LRP1B: variants seen among roughly 807,000 people sequenced by gnomAD.
LRP1B encodes the protein LDL receptor related protein 1B, also known as low-density lipoprotein receptor-related protein 1B.
Under a neutral mutation model 556.6 loss-of-function variants are expected in LRP1B, and 217 were observed. The observed-to-expected ratio is 0.39, with a 90% confidence interval of 0.35 to 0.44. The LOEUF is 0.44. Ranked by LOEUF, LRP1B falls within the 20% of genes least tolerant of loss-of-function variation. The pLI is 1.00. For synonymous variants in LRP1B, 2,047 were observed against 1,865.8 expected (o/e 1.10, Z -2.50); for missense variants, 5,053 against 5,620.8 (o/e 0.90, Z 3.23).
intron 86 of LRP1B, among the ~76,000 whole-genome samples, chr2:140,262,391 T>G (rs1681985640): frequency 1.3e-5 from 2 of 152,194 alleles, no homozygotes; most frequent in African/African-American, 4.8e-5. Context: ...ATGGAAGTTT[T>G]TATATGTACA....
chr2:140,495,231 T>C (rs779681111), intron 56 of LRP1B, among the ~76,000 whole-genome samples: 1 of 152,034 alleles, frequency 6.6e-6, no homozygotes, highest in Non-Finnish European at 1.5e-5. Flanking sequence ...TATAATAATG[T>C]CACAATAGTC....
chr2:140,606,041 C>CAG (rs1252702445), intron 41 of LRP1B, among the ~76,000 whole-genome samples: 1 of 151,168 alleles, frequency 6.6e-6, no homozygotes, highest in African/African-American at 2.4e-5. Flanking sequence ...GAGAGAGAGA[C>CAG]AGAGAGAGAG....
intron 2 of LRP1B, among the ~76,000 whole-genome samples, chr2:141,551,592 T>C (rs774476241): frequency 1.2e-4 from 18 of 152,056 alleles, no homozygotes; most frequent in Non-Finnish European, 2.5e-4. Flanking sequence ...AGAGTCTGTA[T>C]TACCTTCCTT....
chr2:141,027,719 T>G (rs2105408717), intron 11 of LRP1B, among the ~76,000 whole-genome samples: 1 of 152,294 alleles, frequency 6.6e-6, no homozygotes, highest in East Asian at 1.9e-4. Flanking sequence ...GTTTGTGTCC[T>G]CCTAATTCAC....
chr2:141,825,938 G>T (rs564646591), intron 1 of LRP1B, among the ~76,000 whole-genome samples: 1 of 152,116 alleles, frequency 6.6e-6, no homozygotes, highest in South Asian at 2.1e-4. Context: ...CCATAATAAA[G>T]AAATTACTGA....
intron 41 of LRP1B, among the ~76,000 whole-genome samples, chr2:140,696,966 T>C (rs551210369): frequency 7.9e-5 from 12 of 152,324 alleles, no homozygotes; most frequent in South Asian, 6.2e-4. Flanking sequence ...AGATACACTT[T>C]CTCATAAAAT....
chr2:140,699,934 A>G (rs1470563890), intron 41 of LRP1B, among the ~76,000 whole-genome samples: 1 of 150,192 alleles, frequency 6.7e-6, no homozygotes, highest in African/African-American at 2.4e-5. Flanking sequence ...AAAATCAATT[A>G]GAATAGTTTT....
chr2:141,259,593 C>A (rs1201901227), intron 3 of LRP1B, among the ~76,000 whole-genome samples: 1 of 152,172 alleles, frequency 6.6e-6, no homozygotes, highest in African/African-American at 2.4e-5. Context: ...ATGGCACAAG[C>A]CCACAATGGA....
At chr2:140,716,877 G>T (rs898998320) in intron 35 of LRP1B, 61 bp from the exon 36 acceptor site, 21 of 988,102 alleles carry the variant, frequency 2.1e-5, no homozygotes, top group Admixed American at 7.0e-5. Flanking sequence ...ATCAATATCG[G>T]TGTTAGGATC....
At chr2:140,342,172 A>G (rs957977463) in intron 77 of LRP1B, among the ~76,000 whole-genome samples, 3 of 151,578 alleles carry the variant, frequency 2.0e-5, no homozygotes, top group African/African-American at 7.2e-5. Flanking sequence ...TTCATAGTAC[A>G]TACAACAACT....
At chr2:141,005,551 C>A (rs1196209973) in intron 14 of LRP1B, 94 bp from the exon 15 acceptor site, 2 of 1,038,470 alleles carry the variant, frequency 1.9e-6, no homozygotes, top group Non-Finnish European at 2.8e-6. Context: ...CTTATATATG[C>A]TATGTATATT....
intron 1 of LRP1B, among the ~76,000 whole-genome samples, chr2:141,819,957 G>T (rs1368524124): frequency 2.0e-5 from 3 of 151,914 alleles, no homozygotes; most frequent in Non-Finnish European, 4.4e-5. Flanking sequence ...GCAAAAACAG[G>T]GGCTAAAAGA....
chr2:140,839,927 G>A, intron 31 of LRP1B, 64 bp downstream of exon 31: 2 of 938,436 alleles, frequency 2.1e-6, no homozygotes, highest in Non-Finnish European at 1.7e-6. Context: ...TAGATCAAAG[G>A]TATATTGTAC....
chr2:140,969,012 T>G (rs1300875696), intron 18 of LRP1B, among the ~76,000 whole-genome samples: 2 of 152,214 alleles, frequency 1.3e-5, no homozygotes, highest in African/African-American at 4.8e-5. Flanking sequence ...TTCTGTTGAT[T>G]TGGGGTGGAG....
At chr2:141,268,191 C>T (rs1684961649) in intron 3 of LRP1B, among the ~76,000 whole-genome samples, 1 of 152,140 alleles carries the variant, frequency 6.6e-6, no homozygotes, top group Admixed American at 6.5e-5. Context: ...AATGTAACAA[C>T]TGAACATATT....
chr2:141,853,457 G>A (rs1697933514), intron 1 of LRP1B, among the ~76,000 whole-genome samples: 1 of 151,576 alleles, frequency 6.6e-6, no homozygotes, highest in African/African-American at 2.4e-5. Flanking sequence ...ATATTTTCAA[G>A]TACTGCACTC....
rs144463035 is a variant in LRP1B at position 141,363,357 on chromosome 2, G to A, written c.344-108716C>T. 3.9e-3 allele frequency among the ~76,000 whole-genome samples: 597 copies of A among 152,206 alleles called. 4 individuals carry two copies. The highest frequency in any genetic ancestry group is 7.2e-3 in the Non-Finnish European group (487 of 67,992). On this transcript the variant is annotated intron_variant, in intron 3 of 90. Transcript: ENST00000389484. ...GAACATATTTCTTTCTCTATTGAGGGCTGTTAGGCCACGTAACTACAAATT... is the reference window on the plus strand; with the variant it reads ...GAACATATTTCTTTCTCTATTGAGGACTGTTAGGCCACGTAACTACAAATT...
intron 1 of LRP1B, among the ~76,000 whole-genome samples, chr2:141,835,563 G>T (rs1697251604): frequency 6.6e-6 from 1 of 151,774 alleles, no homozygotes. Context: ...GCAAGAAAAA[G>T]ATATAAATAG....
At chr2:141,300,505 C>T (rs1477276104) in intron 3 of LRP1B, among the ~76,000 whole-genome samples, 2 of 152,136 alleles carry the variant, frequency 1.3e-5, no homozygotes, top group African/African-American at 2.4e-5. Flanking sequence ...GGATCAGTGT[C>T]CTCAACCAAA....
Sources: allele counts gnomAD v4.1 joint callset (sites outside exome capture counted in the v4.1 genomes callset), GRCh38; gene constraint gnomAD v4.1.1; transcripts MANE v1.5; gene names NCBI Gene and HGNC (gene_info 2026-07-23, HGNC 2026-07-21).